NPAS3: variants seen among roughly 807,000 people sequenced by gnomAD.
NPAS3 encodes neuronal PAS domain protein 3, also known as neuronal PAS domain-containing protein 3.
NPAS3 carries 14 observed loss-of-function variants against 73.1 expected under a neutral mutation model. The observed-to-expected ratio is 0.19, with a 90% CI of 0.13 to 0.30. The LOEUF (loss-of-function observed/expected upper bound fraction) is 0.30, where lower values mean the gene tolerates loss of function less well. NPAS3 is among the 10% of genes least tolerant of loss of function. The probability of loss-of-function intolerance (pLI) is 1.00; values close to 1 mark genes in which losing one functional copy is unlikely to be tolerated. For synonymous variants in NPAS3, 620 were observed against 541.5 expected (o/e 1.14, Z -2.01); for missense variants, 1,096 against 1,250.0 (o/e 0.88, Z 1.86).
chr14:33,365,301 A>G (rs1017060966), intron 3 of NPAS3, among the ~76,000 whole-genome samples: 1 of 152,068 alleles, frequency 6.6e-6, no homozygotes, highest in Non-Finnish European at 1.5e-5. Flanking sequence ...AACTGAAAAC[A>G]GTATTCAGCA....
At chr14:33,259,065 G>A (rs539092659) in intron 3 of NPAS3, among the ~76,000 whole-genome samples, 5 of 152,158 alleles carry the variant, frequency 3.3e-5, no homozygotes, top group African/African-American at 7.2e-5. Context: ...CGCCCTCCTC[G>A]GCCTTCCAAA....
intron 4 of NPAS3, among the ~76,000 whole-genome samples, chr14:33,549,341 C>G (rs1219191559): frequency 6.6e-6 from 1 of 152,170 alleles, no homozygotes; most frequent in Non-Finnish European, 1.5e-5. Flanking sequence ...AAGCGTTCCT[C>G]CCACCCGAGT....
intron 1 of NPAS3, among the ~76,000 whole-genome samples, chr14:32,981,688 A>G (rs1399006860): frequency 6.6e-6 from 1 of 152,188 alleles, no homozygotes; most frequent in African/African-American, 2.4e-5. Flanking sequence ...TTAATGTATC[A>G]CATAGATGTG....
chr14:33,122,036 TTAAAA>T (rs1308678796), intron 2 of NPAS3, among the ~76,000 whole-genome samples: 2 of 152,170 alleles, frequency 1.3e-5, no homozygotes, highest in African/African-American at 2.4e-5. Context: ...TGTATCACTG[TTAAAA>T]TAGAAGAAAA....
intron 3 of NPAS3, among the ~76,000 whole-genome samples, chr14:33,261,701 A>G (rs2048982113): frequency 6.6e-6 from 1 of 152,180 alleles, no homozygotes. Flanking sequence ...TGACATAACA[A>G]TTTTATGTGT....
intron 2 of NPAS3, among the ~76,000 whole-genome samples, chr14:33,200,457 C>T (rs2046572400): frequency 6.6e-6 from 1 of 152,036 alleles, no homozygotes; most frequent in African/African-American, 2.4e-5. Flanking sequence ...CCATTTTATG[C>T]CTCTTTGCCA....
At chr14:33,377,606 C>T (rs2046365944) in intron 4 of NPAS3, among the ~76,000 whole-genome samples, 1 of 152,114 alleles carries the variant, frequency 6.6e-6, no homozygotes, top group African/African-American at 2.4e-5. Context: ...TACGTATCCA[C>T]GGGGATTTTT....
At chr14:33,495,030 TTTGCTC>T in intron 4 of NPAS3, among the ~76,000 whole-genome samples, 1 of 152,256 alleles carries the variant, frequency 6.6e-6, no homozygotes, top group East Asian at 1.9e-4. Context: ...TTTGAATTTG[TTTGCTC>T]TTGCTTCTCT....
At chr14:33,055,795 A>G in intron 1 of NPAS3, 110 bp from the exon 2 acceptor site, 11 of 546,074 alleles carry the variant, frequency 2.0e-5, no homozygotes, top group Middle Eastern at 2.8e-4. Context: ...TGTAGAGCTC[A>G]AAAGCGTAAA....
intron 6 of NPAS3, among the ~76,000 whole-genome samples, chr14:33,734,717 G>T (rs745317502): frequency 1.3e-5 from 2 of 152,140 alleles, no homozygotes; most frequent in African/African-American, 2.4e-5. Flanking sequence ...TGAGGACATT[G>T]GTCAGGACAT....
At chr14:33,177,246 G>T (rs1020956530) in intron 2 of NPAS3, among the ~76,000 whole-genome samples, 1 of 151,708 alleles carries the variant, frequency 6.6e-6, no homozygotes, top group Non-Finnish European at 1.5e-5. Flanking sequence ...ACAGATGCCT[G>T]CCACCATGTC....
chr14:33,686,019 A>G (rs2060079207), intron 6 of NPAS3, among the ~76,000 whole-genome samples: 1 of 152,226 alleles, frequency 6.6e-6, no homozygotes, highest in Admixed American at 6.5e-5. Context: ...ATAGTCGACA[A>G]CTAGAGAAGG....
At chr14:33,609,470 AATGTATTTGTACATT>A (rs1567051348) in intron 5 of NPAS3, among the ~76,000 whole-genome samples, 1 of 152,154 alleles carries the variant, frequency 6.6e-6, no homozygotes. Context: ...TTTCAACCCA[AATGTATTTGTACATT>A]ATCATAGGTT....
intron 3 of NPAS3, among the ~76,000 whole-genome samples, chr14:33,219,597 A>G (rs1156283240): frequency 1.3e-5 from 2 of 152,220 alleles, no homozygotes; most frequent in Non-Finnish European, 2.9e-5. Flanking sequence ...TCCCTTCACT[A>G]TTTCGGGCAT....
intron 11 of NPAS3, 152 bp downstream of exon 11, chr14:33,797,733 T>C (rs1448760960): frequency 2.3e-5 from 17 of 732,424 alleles, no homozygotes; most frequent in Non-Finnish European, 3.7e-5. Flanking sequence ...AGTGTCTGCC[T>C]CTCTCCAGAC....
At chr14:33,217,992 T>A (rs2047286271) in intron 3 of NPAS3, among the ~76,000 whole-genome samples, 1 of 152,178 alleles carries the variant, frequency 6.6e-6, no homozygotes. Context: ...TTTCTAATAC[T>A]TCATTTTTAT....
At chr14:33,772,980 T>C (rs1319340885) in intron 7 of NPAS3, among the ~76,000 whole-genome samples, 2 of 152,328 alleles carry the variant, frequency 1.3e-5, no homozygotes, top group East Asian at 3.9e-4. Context: ...GAAAAGGTAT[T>C]AGCTGAAGCA....
intron 7 of NPAS3, among the ~76,000 whole-genome samples, chr14:33,764,078 G>A (rs2062382908): frequency 6.6e-6 from 1 of 152,102 alleles, no homozygotes; most frequent in South Asian, 2.1e-4. Flanking sequence ...GACAGGAGTG[G>A]CTGGCTTCAC....
chr14:33,305,387 A>C (rs1471673355), intron 3 of NPAS3, among the ~76,000 whole-genome samples: 1 of 152,114 alleles, frequency 6.6e-6, no homozygotes, highest in Admixed American at 6.5e-5. Context: ...ATCAACATAA[A>C]ACCAACTGAC....
Sources: gnomAD v4.1 joint callset for allele counts (sites outside exome capture counted in the v4.1 genomes callset) on GRCh38, gnomAD v4.1.1 for gene constraint, MANE v1.5 for transcripts, NCBI Gene and HGNC (gene_info 2026-07-23, HGNC 2026-07-21) for gene names.